Variants in DSCAM observed in about 807,000 individuals in gnomAD.
The protein encoded by DSCAM is DS cell adhesion molecule.
DSCAM carries 47 observed loss-of-function variants against 217.7 expected under a neutral mutation model. The observed-to-expected ratio is 0.22, with a 90% confidence interval of 0.17 to 0.28. The LOEUF (loss-of-function observed/expected upper bound fraction) is 0.28, where lower values mean the gene tolerates loss of function less well. DSCAM is among the 10% of genes least tolerant of loss of function. DSCAM has a pLI of 1.00. For synonymous variants in DSCAM, 1,056 were observed against 1,015.3 expected (o/e 1.04, Z -0.76); for missense variants, 2,080 against 2,618.3 (o/e 0.79, Z 4.49).
intron 3 of DSCAM, among the ~76,000 whole-genome samples, chr21:40,563,014 G>C (rs1185685903): frequency 6.6e-6 from 1 of 152,126 alleles, no homozygotes; most frequent in Non-Finnish European, 1.5e-5. Flanking sequence ...GCAGAATTTG[G>C]CTGATAGAGA....
At chr21:40,548,946 T>C (rs1178171176) in intron 3 of DSCAM, among the ~76,000 whole-genome samples, 1 of 152,222 alleles carries the variant, frequency 6.6e-6, no homozygotes. Flanking sequence ...GGCTCATGCC[T>C]GTAATCCCAG....
intron 32 of DSCAM, among the ~76,000 whole-genome samples, chr21:40,032,654 T>C (rs1036051107): frequency 1.3e-5 from 2 of 150,848 alleles, no homozygotes; most frequent in African/African-American, 4.9e-5. Flanking sequence ...AGATCTCGTC[T>C]GTCTCTGGTA....
At chr21:40,185,309 T>G (rs745671062) in intron 14 of DSCAM, among the ~76,000 whole-genome samples, 1 of 152,144 alleles carries the variant, frequency 6.6e-6, no homozygotes, top group Non-Finnish European at 1.5e-5. Context: ...GTGGTCTCCT[T>G]GCCAGTCCTT....
chr21:40,536,744 C>T (rs998849188), intron 3 of DSCAM, among the ~76,000 whole-genome samples: 1 of 152,018 alleles, frequency 6.6e-6, no homozygotes, highest in Non-Finnish European at 1.5e-5. Context: ...AAGATTTGGT[C>T]TTATTAATTT....
intron 1 of DSCAM, among the ~76,000 whole-genome samples, chr21:40,813,505 T>C (rs1272494405): frequency 6.6e-6 from 1 of 152,178 alleles, no homozygotes; most frequent in Non-Finnish European, 1.5e-5. Flanking sequence ...TTTTGGCAAG[T>C]TGTGTCACTA....
chr21:40,076,795 A>G (rs1284619843), intron 26 of DSCAM, among the ~76,000 whole-genome samples: 1 of 152,218 alleles, frequency 6.6e-6, no homozygotes, highest in Non-Finnish European at 1.5e-5. Context: ...GCATCTGCAC[A>G]TATTATAGAG....
At chr21:40,446,386 T>C (rs2066572061) in intron 3 of DSCAM, among the ~76,000 whole-genome samples, 1 of 152,184 alleles carries the variant, frequency 6.6e-6, no homozygotes, top group Non-Finnish European at 1.5e-5. Context: ...CTATGGCCAC[T>C]GGGCACAAGG....
intron 3 of DSCAM, among the ~76,000 whole-genome samples, chr21:40,482,511 G>C (rs2075991927): frequency 6.6e-6 from 1 of 152,062 alleles, no homozygotes; most frequent in African/African-American, 2.4e-5. Flanking sequence ...TACAACATGG[G>C]TATACTTTGA....
chr21:40,846,510 G>A, intron 1 of DSCAM, 109 bp downstream of exon 1: 1 of 393,492 alleles, frequency 2.5e-6, no homozygotes, highest in Non-Finnish European at 4.1e-6. Context: ...CACAGATGAA[G>A]CGGAAAAAGA....
chr21:40,771,312 G>A (rs547450200), intron 1 of DSCAM, among the ~76,000 whole-genome samples: 1 of 152,320 alleles, frequency 6.6e-6, no homozygotes, highest in Admixed American at 6.5e-5. Flanking sequence ...TCAGGCTGCT[G>A]TCATAACGCA....
At chr21:40,079,074 C>G (rs2146556285) in intron 25 of DSCAM, 97 bp from the exon 26 acceptor site, 1 of 1,406,310 alleles carries the variant, frequency 7.1e-7, no homozygotes, top group Non-Finnish European at 9.6e-7. Context: ...TCCAGCGAGG[C>G]CAGGAGCTCA....
At chr21:40,686,491 T>G (rs1357826484) in intron 3 of DSCAM, among the ~76,000 whole-genome samples, 2 of 152,178 alleles carry the variant, frequency 1.3e-5, no homozygotes, top group African/African-American at 4.8e-5. Flanking sequence ...CCTGATATCC[T>G]CTGGGCTAAA....
intron 3 of DSCAM, among the ~76,000 whole-genome samples, chr21:40,427,804 CTA>C (rs1446936912): frequency 6.6e-6 from 1 of 152,232 alleles, no homozygotes; most frequent in African/African-American, 2.4e-5. Context: ...CCTGGTGCTG[CTA>C]TGTCTTCCTG....
intron 8 of DSCAM, among the ~76,000 whole-genome samples, chr21:40,322,756 C>T (rs1052365438): frequency 6.6e-6 from 1 of 152,160 alleles, no homozygotes; most frequent in Non-Finnish European, 1.5e-5. Context: ...AACTCCTGAC[C>T]TCAGTTGATT....
At chr21:40,587,777 G>C (rs974044312) in intron 3 of DSCAM, among the ~76,000 whole-genome samples, 1 of 152,058 alleles carries the variant, frequency 6.6e-6, no homozygotes, top group African/African-American at 2.4e-5. Context: ...AGCTGGAGTT[G>C]AAAGTTAAAC....
chr21:40,455,925 A>G (rs564863540), intron 3 of DSCAM, among the ~76,000 whole-genome samples: 16 of 152,294 alleles, frequency 1.1e-4, no homozygotes, highest in Admixed American at 3.9e-4. Context: ...AATCTGCATA[A>G]CTGGTGTGCT....
intron 3 of DSCAM, among the ~76,000 whole-genome samples, chr21:40,468,286 TG>T (rs1387612973): frequency 1.3e-5 from 2 of 152,178 alleles, no homozygotes; most frequent in Non-Finnish European, 2.9e-5. Context: ...CACAGACCTG[TG>T]TCCTGGGTGC....
chr21:40,166,282 C>T lies in DSCAM; in HGVS notation c.3018+936G>A, dbSNP rs114913244. 3.5e-3 allele frequency among the ~76,000 whole-genome samples: 539 copies of T among 152,036 alleles called. 5 individuals carry two copies. The highest frequency in any genetic ancestry group is 3.7e-3 in the Non-Finnish European group (252 of 67,992). ...TCCCAGTGACGCCACAGAAAAAAAA[C>T]GGTGAGGAAAGAGACAAGAAAAAAA... is the stretch of plus-strand genomic sequence containing the variant. On this transcript the variant is annotated intron_variant, in intron 16 of 32. Coordinates refer to ENST00000400454, the MANE Select transcript of DSCAM (RefSeq NM_001389.5).
chr21:40,098,039 CA>C (rs201851600), intron 20 of DSCAM, among the ~76,000 whole-genome samples: 1,758 of 139,828 alleles, frequency 0.013, 44 homozygotes, highest in African/African-American at 0.044. Flanking sequence ...TATAAAAACA[CA>C]AATAGGTTAA....
Sources: gnomAD v4.1 joint callset for allele counts (sites outside exome capture counted in the v4.1 genomes callset) on GRCh38, gnomAD v4.1.1 for gene constraint, MANE v1.5 for transcripts, NCBI Gene and HGNC (gene_info 2026-07-23, HGNC 2026-07-21) for gene names.